UMAD1: variants seen among roughly 807,000 people sequenced by gnomAD.
UMAD1 encodes UBAP1-MVB12-associated (UMA) domain containing 1.
In UMAD1, 8 loss-of-function variants were observed where a neutral mutation model predicts 6.1. That is an observed-to-expected ratio of 1.30 (90% confidence interval 0.76 to 2.35). UMAD1 has a LOEUF of 2.35. Among genes scored for constraint, UMAD1 ranks in the 30% most tolerant of loss-of-function variants. The pLI is 0.00. For synonymous variants in UMAD1, 56 were observed against 31.4 expected, an observed-to-expected ratio of 1.78 and a Z score of -2.61; for missense variants, 130 against 78.4, an observed-to-expected ratio of 1.66 and a Z score of -2.49.
At chr7:7,761,715 T>G (rs1441679601) in intron 2 of UMAD1, among the ~76,000 whole-genome samples, 1 of 152,228 alleles carries the variant, frequency 6.6e-6, no homozygotes, top group Non-Finnish European at 1.5e-5. Flanking sequence ...GACACTCATC[T>G]TATTATTTAT....
intron 1 of UMAD1, among the ~76,000 whole-genome samples, chr7:7,644,471 A>G (rs1785051944): frequency 6.6e-6 from 1 of 151,128 alleles, no homozygotes; most frequent in Non-Finnish European, 1.5e-5. Context: ...GATACATCGT[A>G]CTCTTAAAGG....
chr7:7,676,740 A>G (rs1372572433), intron 2 of UMAD1, among the ~76,000 whole-genome samples: 7 of 152,162 alleles, frequency 4.6e-5, no homozygotes, highest in Admixed American at 4.6e-4. Context: ...CTCCTTGATG[A>G]AGTTGAAATT....
At chr7:7,834,903 C>T (rs902843970) in intron 3 of UMAD1, among the ~76,000 whole-genome samples, 1 of 151,908 alleles carries the variant, frequency 6.6e-6, no homozygotes, top group Admixed American at 6.6e-5. Context: ...GGGCAGAAGG[C>T]GAAGGGGAAG....
intron 2 of UMAD1, among the ~76,000 whole-genome samples, chr7:7,678,491 AT>A (rs1162213314): frequency 7.1e-6 from 1 of 140,924 alleles, no homozygotes; most frequent in Non-Finnish European, 1.5e-5. Flanking sequence ...TTTATAGATA[AT>A]ATATATTTAT....
At chr7:7,859,722 A>G (rs369128241) in intron 3 of UMAD1, among the ~76,000 whole-genome samples, 1 of 152,308 alleles carries the variant, frequency 6.6e-6, no homozygotes, top group African/African-American at 2.4e-5. Flanking sequence ...TTAATTTTCA[A>G]CTTGACGTAC....
At chr7:7,730,675 C>G (rs1288813794) in intron 2 of UMAD1, among the ~76,000 whole-genome samples, 1 of 152,026 alleles carries the variant, frequency 6.6e-6, no homozygotes, top group African/African-American at 2.4e-5. Context: ...TAGGCATGTA[C>G]TAATAAGCAT....
chr7:7,789,915 G>A (rs1281435337), intron 2 of UMAD1, among the ~76,000 whole-genome samples: 1 of 152,212 alleles, frequency 6.6e-6, no homozygotes, highest in Non-Finnish European at 1.5e-5. Flanking sequence ...GAACATGGGT[G>A]TATGTTCAGA....
chr7:7,851,833 C>T (rs991426809), intron 3 of UMAD1, among the ~76,000 whole-genome samples: 1 of 151,920 alleles, frequency 6.6e-6, no homozygotes, highest in Non-Finnish European at 1.5e-5. Context: ...CTGTGGGTTG[C>T]CATTTTACTT....
intron 2 of UMAD1, among the ~76,000 whole-genome samples, chr7:7,770,751 A>G (rs1216296601): frequency 2.6e-5 from 4 of 152,158 alleles, no homozygotes; most frequent in Non-Finnish European, 5.9e-5. Flanking sequence ...AACTTAAAGT[A>G]TAATAAAAAA....
At chr7:7,672,279 C>T (rs990235583) in intron 1 of UMAD1, among the ~76,000 whole-genome samples, 4 of 152,148 alleles carry the variant, frequency 2.6e-5, no homozygotes, top group Non-Finnish European at 5.9e-5. Flanking sequence ...AACTTTCTCC[C>T]CAGTTGTTTT....
intron 2 of UMAD1, among the ~76,000 whole-genome samples, chr7:7,676,359 C>G (rs1027049953): frequency 6.6e-6 from 1 of 152,168 alleles, no homozygotes; most frequent in Non-Finnish European, 1.5e-5. Flanking sequence ...TATTATATCA[C>G]CATACACAGG....
intron 1 of UMAD1, among the ~76,000 whole-genome samples, chr7:7,657,362 G>C (rs997029588): frequency 6.6e-6 from 1 of 152,162 alleles, no homozygotes; most frequent in Non-Finnish European, 1.5e-5. Flanking sequence ...GTTGCTTTTG[G>C]TGTTTTAGTC....
intron 2 of UMAD1, among the ~76,000 whole-genome samples, chr7:7,758,413 A>G (rs1319552941): frequency 6.6e-6 from 1 of 152,018 alleles, no homozygotes; most frequent in Non-Finnish European, 1.5e-5. Flanking sequence ...CCATCTTTTT[A>G]TCTTTAAATT....
intron 3 of UMAD1, among the ~76,000 whole-genome samples, chr7:7,837,583 G>T (rs570690858): frequency 1.3e-5 from 2 of 151,798 alleles, no homozygotes; most frequent in African/African-American, 4.8e-5. Context: ...ATTCACTAAA[G>T]AAAAGAAATA....
chr7:7,749,326 G>A (rs898230458), intron 2 of UMAD1, among the ~76,000 whole-genome samples: 2 of 152,172 alleles, frequency 1.3e-5, no homozygotes, highest in Non-Finnish European at 2.9e-5. Context: ...TGAGAGTACA[G>A]TATGGTTTAA....
intron 2 of UMAD1, among the ~76,000 whole-genome samples, chr7:7,679,992 C>G (rs1308142655): frequency 1.3e-5 from 2 of 151,886 alleles, no homozygotes; most frequent in African/African-American, 4.8e-5. Flanking sequence ...TGTGGGTTGT[C>G]TCTTTACTGT....
intron 2 of UMAD1, chr7:7,742,227 T>C: frequency 4.4e-6 from 3 of 681,294 alleles, no homozygotes; most frequent in Non-Finnish European, 8.3e-6. Flanking sequence ...GCCTGTTTGA[T>C]CTGGTGCTTG....
At chr7:7,771,020 C>T (rs1782089529) in intron 2 of UMAD1, among the ~76,000 whole-genome samples, 2 of 151,858 alleles carry the variant, frequency 1.3e-5, no homozygotes, top group Admixed American at 1.3e-4. Flanking sequence ...GAGAGTAACA[C>T]AGGAGGTGGA....
intron 3 of UMAD1, among the ~76,000 whole-genome samples, chr7:7,820,720 CT>C (rs569657310): frequency 1.8e-3 from 276 of 152,010 alleles, no homozygotes; most frequent in African/African-American, 6.5e-3. Flanking sequence ...TTTAGTTATT[CT>C]TTTCTTGATT....
Sources: gnomAD v4.1 joint callset for allele counts (sites outside exome capture counted in the v4.1 genomes callset) on GRCh38, gnomAD v4.1.1 for gene constraint, MANE v1.5 for transcripts, NCBI Gene and HGNC (gene_info 2026-07-23, HGNC 2026-07-21) for gene names.